The following POLA1 variants were observed in gnomAD, a reference collection of about 807,000 sequenced individuals.
The protein encoded by POLA1 is DNA polymerase alpha catalytic subunit.
Under a neutral mutation model 124.0 loss-of-function variants are expected in POLA1, and 15 were observed. The observed-to-expected ratio is 0.12, with a 90% CI of 0.08 to 0.19. POLA1 has a LOEUF of 0.19. Among genes scored for constraint, POLA1 ranks in the 10% least tolerant of loss-of-function variants. The pLI is 1.00. For synonymous variants in POLA1, 408 were observed against 389.4 expected, an observed-to-expected ratio of 1.05 and a Z score of -0.56; for missense variants, 886 against 1,103.4, an observed-to-expected ratio of 0.80 and a Z score of 2.79.
chrX:24,777,957 C>T (rs1431242280), intron 26 of POLA1, among the ~76,000 whole-genome samples: 3 of 111,686 alleles, frequency 2.7e-5, no homozygotes, highest in Non-Finnish European at 5.6e-5. Context: ...GTTATATGGT[C>T]TTGTAAATAG....
chrX:24,744,552 C>T (rs1469109792), intron 23 of POLA1: 1 of 352,833 alleles, frequency 2.8e-6, no homozygotes, highest in Non-Finnish European at 5.4e-6. Flanking sequence ...AAGGGTGGGT[C>T]GTTCCACTAC....
intron 34 of POLA1, among the ~76,000 whole-genome samples, chrX:24,861,107 G>T (rs954353102): frequency 1.6e-4 from 18 of 112,288 alleles, no homozygotes; most frequent in African/African-American, 5.8e-4. Context: ...CAGATACTCA[G>T]TTGTTGTATT....
Position 24,848,938 on chromosome X carries a change from T to C in POLA1, c.4047+5261T>C, listed in dbSNP as rs139403386. On this transcript the variant is annotated intron_variant, in intron 34 of 36. Coordinates refer to ENST00000379068, the MANE Select transcript of POLA1 (RefSeq NM_001330360.2). ...GCCATGCAGTGGCATTCAGTAACTC[T>C]ACTGTAGTTTCATTGCAAATATGCA... Among the ~76,000 whole-genome samples the C allele has an allele frequency of 3.5e-3, 396 of 112,461 alleles. 3 individuals are homozygous for C. Among genetic ancestry groups the C allele is most frequent in the African/African-American group, 0.012 (363 of 31,005 alleles).
chrX:24,986,172 C>CA (rs397970641), intron 36 of POLA1, among the ~76,000 whole-genome samples: 6,300 of 107,608 alleles, frequency 0.059, 483 homozygotes, highest in African/African-American at 0.2. Context: ...AACTCCATCT[C>CA]AAAAAAAAAG....
At chrX:24,928,994 T>A (rs2047734240) in intron 35 of POLA1, among the ~76,000 whole-genome samples, 1 of 111,954 alleles carries the variant, frequency 8.9e-6, no homozygotes, top group Non-Finnish European at 1.9e-5. Context: ...GGTTTGTTCC[T>A]GCTACCGAAT....
chrX:24,963,886 T>C (rs774885268), intron 36 of POLA1, among the ~76,000 whole-genome samples: 1 of 111,784 alleles, frequency 8.9e-6, no homozygotes, highest in Non-Finnish European at 1.9e-5. Flanking sequence ...TTTGGCAGCG[T>C]AGAAGTTGTT....
chrX:24,694,150 G>A, intron 1 of POLA1, 146 bp downstream of exon 1: 1 of 602,227 alleles, frequency 1.7e-6, no homozygotes, highest in Non-Finnish European at 2.5e-6. Context: ...GCGTCGGACC[G>A]GGCTTCCTTT....
chrX:24,840,878 G>A (rs1362682968), intron 32 of POLA1, among the ~76,000 whole-genome samples: 1 of 111,920 alleles, frequency 8.9e-6, no homozygotes, highest in Non-Finnish European at 1.9e-5. Flanking sequence ...TGGCACACAT[G>A]TTTTGACCAA....
At position 24,727,823 on chromosome X, in the gene POLA1, A is replaced by G. The variant is rs757008969; in HGVS notation, c.1573A>G (p.Met525Val). The change falls in exon 15 of 37, where the codon ATG becomes GTG. Residue 525 changes from methionine to valine, a missense_variant. By Grantham distance (21) the Met-to-Val change is conservative (BLOSUM62 1). Transcript: ENST00000379068. ...QPVSWCKVEA[M>V]ALKPDLVNVI... ...AGTCAGTTGGTGTAAAGTTGAGGCAATGGCTTTGAAACCAGACCTGGTGAA... is the reference window on the plus strand; with the variant it reads ...AGTCAGTTGGTGTAAAGTTGAGGCAGTGGCTTTGAAACCAGACCTGGTGAA... 63 of 1,206,837 alleles carry G rather than the reference A, an allele frequency of 5.2e-5. No individual in the cohort carries two copies. Among genetic ancestry groups the G allele is most frequent in the Admixed American group, 2.0e-4 (9 of 45,895 alleles).
At position 24,745,313 on chromosome X, in the gene POLA1, A is replaced by G. The variant is rs1022785982; in HGVS notation, c.2567-105A>G. The G allele has an allele frequency of 2.0e-5, 10 of 493,156 alleles. 1 individual carries two copies. The South Asian group carries it at 3.8e-4, about 19-fold the overall frequency. The allele number at this position is 493,156 out of a possible 1,213,427, so 40.6% of individuals were successfully genotyped here. A position where few individuals can be genotyped will look rare whatever the true frequency, so the allele number is the denominator to read the frequency against. On this transcript the variant is annotated intron_variant, in intron 23 of 36. Transcript: ENST00000379068. ...TGTTTCACAGCTCTGGGTAGTGTAT[A>G]TGGATAGTATATAGTTTCTAATATA...
At chrX:24,732,475 T>A (rs1406632553) in intron 16 of POLA1, 21 bp downstream of exon 16, 1 of 937,072 alleles carries the variant, frequency 1.1e-6, no homozygotes, top group African/African-American at 1.9e-5. Flanking sequence ...TTTTTTAAGC[T>A]GGCTTACTAA....
chrX:24,723,077 A>G, intron 10 of POLA1, 78 bp from the exon 11 acceptor site: 2 of 673,411 alleles, frequency 3.0e-6, no homozygotes. Flanking sequence ...GGACACATTC[A>G]GTGAGCCTCT....
At chrX:24,850,831 G>A (rs1038035615) in intron 34 of POLA1, among the ~76,000 whole-genome samples, 2 of 112,118 alleles carry the variant, frequency 1.8e-5, no homozygotes, top group African/African-American at 6.5e-5. Context: ...GAGAGAGCTC[G>A]TTATTAATTA....
intron 32 of POLA1, among the ~76,000 whole-genome samples, chrX:24,834,125 A>C (rs1249813813): frequency 9.1e-6 from 1 of 109,889 alleles, no homozygotes; most frequent in Non-Finnish European, 1.9e-5. Flanking sequence ...AAAAAAAAAA[A>C]AAAAAGGAAG....
intron 35 of POLA1, among the ~76,000 whole-genome samples, chrX:24,915,312 G>C (rs969493821): frequency 1.6e-4 from 18 of 111,939 alleles, no homozygotes; most frequent in African/African-American, 4.9e-4. Context: ...TTCACTTGAT[G>C]ATCTACCAAT....
intron 36 of POLA1, among the ~76,000 whole-genome samples, chrX:24,988,418 G>A (rs1003319606): frequency 3.6e-5 from 4 of 112,460 alleles, no homozygotes; most frequent in Non-Finnish European, 7.5e-5. Flanking sequence ...CAGAATTTCC[G>A]ATTCTAAAGC....
chrX:24,958,647 G>A (rs768808148), intron 36 of POLA1, among the ~76,000 whole-genome samples: 3 of 112,003 alleles, frequency 2.7e-5, no homozygotes, highest in South Asian at 3.7e-4. Flanking sequence ...TTTCAGTTCC[G>A]TGTAGTTAAT....
chrX:24,802,368 G>A (rs967204127), intron 26 of POLA1, among the ~76,000 whole-genome samples: 26 of 111,541 alleles, frequency 2.3e-4, no homozygotes, highest in Non-Finnish European at 3.4e-4. Flanking sequence ...ACAGAAGCAA[G>A]AAGAAAAGCA....
At chrX:24,694,082 C>T in intron 1 of POLA1, 78 bp downstream of exon 1, 5 of 961,600 alleles carry the variant, frequency 5.2e-6, no homozygotes, top group Non-Finnish European at 5.7e-6. Flanking sequence ...CTGAGGGAGG[C>T]GCACACCCGG....
Sources: gnomAD v4.1 joint callset for allele counts (sites outside exome capture counted in the v4.1 genomes callset) on GRCh38, gnomAD v4.1.1 for gene constraint, MANE v1.5 for transcripts, NCBI Gene and HGNC (gene_info 2026-07-23, HGNC 2026-07-21) for gene names.